Variants in GRM7 observed in about 807,000 individuals in gnomAD.
GRM7 encodes the protein glutamate metabotropic receptor 7.
Under a neutral mutation model 84.5 loss-of-function variants are expected in GRM7, and 35 were observed. The ratio of observed to expected loss-of-function variants is 0.41; its 90% confidence interval spans 0.32 to 0.55. The LOEUF is 0.55. Among genes scored for constraint, GRM7 ranks in the 20% least tolerant of loss-of-function variants. The probability of loss-of-function intolerance (pLI) is 0.19; values close to 1 mark genes in which losing one functional copy is unlikely to be tolerated. For missense variants in GRM7, 1,003 were observed against 1,194.6 expected (o/e 0.84, Z 2.36); for synonymous variants, 487 against 455.1 (o/e 1.07, Z -0.89).
At chr3:7,358,887 G>T (rs992977199) in intron 4 of GRM7, among the ~76,000 whole-genome samples, 2 of 152,078 alleles carry the variant, frequency 1.3e-5, no homozygotes, top group East Asian at 3.9e-4. Context: ...GGAAGCTGAG[G>T]CAGGCAGATG....
intron 8 of GRM7, among the ~76,000 whole-genome samples, chr3:7,588,637 A>G (rs1018746682): frequency 4.6e-5 from 7 of 152,224 alleles, no homozygotes; most frequent in African/African-American, 1.7e-4. Context: ...AGAGCAAGGT[A>G]TACTGTGGCA....
intron 4 of GRM7, among the ~76,000 whole-genome samples, chr3:7,413,980 G>T: frequency 6.6e-6 from 1 of 152,058 alleles, no homozygotes; most frequent in African/African-American, 2.4e-5. Flanking sequence ...ACCAGGGTCT[G>T]GAATTAGGCA....
intron 2 of GRM7, among the ~76,000 whole-genome samples, chr3:7,262,330 G>C (rs1282107912): frequency 6.6e-6 from 1 of 151,878 alleles, no homozygotes; most frequent in East Asian, 1.9e-4. Flanking sequence ...ATGTTTGACT[G>C]TCTTATTTCA....
chr3:7,351,362 A>AC (rs1398734585), intron 4 of GRM7, among the ~76,000 whole-genome samples: 1 of 147,528 alleles, frequency 6.8e-6, no homozygotes, highest in Non-Finnish European at 1.5e-5. Context: ...AAAAAAAAAA[A>AC]ACAACTGACT....
intron 1 of GRM7, among the ~76,000 whole-genome samples, chr3:7,085,109 A>G (rs536973220): frequency 6.6e-6 from 1 of 152,278 alleles, no homozygotes; most frequent in Admixed American, 6.5e-5. Flanking sequence ...TGGCATTTTA[A>G]TGGCAGTGGT....
chr3:7,427,727 A>G (rs73810643), intron 5 of GRM7, among the ~76,000 whole-genome samples: 5,225 of 152,226 alleles, frequency 0.034, 252 homozygotes, highest in African/African-American at 0.11. Flanking sequence ...TAAAACCCCA[A>G]TTGATCTTTT....
intron 7 of GRM7, among the ~76,000 whole-genome samples, chr3:7,480,479 C>T (rs1234301333): frequency 2.0e-5 from 3 of 152,152 alleles, no homozygotes; most frequent in Non-Finnish European, 4.4e-5. Flanking sequence ...TTGACTGAAG[C>T]ACTCTGAGAT....
chr3:7,085,563 T>C (rs1249570556), intron 1 of GRM7, among the ~76,000 whole-genome samples: 1 of 152,130 alleles, frequency 6.6e-6, no homozygotes, highest in Non-Finnish European at 1.5e-5. Context: ...AAGGAAGAGT[T>C]GGAAACTAGA....
chr3:7,095,490 A>G (rs1698824553), intron 1 of GRM7, among the ~76,000 whole-genome samples: 1 of 152,158 alleles, frequency 6.6e-6, no homozygotes, highest in Non-Finnish European at 1.5e-5. Flanking sequence ...TACAATAAAA[A>G]CCCATTGACA....
intron 8 of GRM7, among the ~76,000 whole-genome samples, chr3:7,667,751 G>T (rs1699759417): frequency 1.3e-5 from 2 of 150,802 alleles, no homozygotes; most frequent in South Asian, 4.2e-4. Context: ...AGAAGGGTAG[G>T]TTTTAAAAAT....
intron 8 of GRM7, among the ~76,000 whole-genome samples, chr3:7,633,635 G>C (rs9832222): frequency 0.45 from 68,147 of 151,934 alleles, 15,485 homozygotes; most frequent in East Asian, 0.61. Context: ...TACTCCTGCA[G>C]CTTCTAATTC....
At position 7,579,297 on chromosome 3, in the gene GRM7, A is replaced by G. The variant is rs113488179; in HGVS notation, c.2391A>G (p.Thr797=). 2 of 1,606,482 alleles carry G rather than the reference A, an allele frequency of 1.2e-6. No homozygotes were observed. The highest frequency in any genetic ancestry group is 1.3e-5 in the African/African-American group (1 of 74,708). The part of the protein sequence containing the change: ...AKPIGFTMYT[T]CIVWLAFIPI... ...CCATTGGATTCACTATGTACACGACATGTATAGTATGGCTTGCCTTCATTC... is the reference window on the plus strand; with the variant it reads ...CCATTGGATTCACTATGTACACGACGTGTATAGTATGGCTTGCCTTCATTC... The change falls in exon 8 of 10, where the codon ACA becomes ACG. Residue 797 remains threonine, a synonymous_variant. Coordinates refer to ENST00000357716, the MANE Select transcript of GRM7 (RefSeq NM_000844.4).
chr3:7,039,525 G>A (rs1030618244), intron 1 of GRM7, among the ~76,000 whole-genome samples: 2 of 152,162 alleles, frequency 1.3e-5, no homozygotes, highest in African/African-American at 4.8e-5. Context: ...TAATAAGCCT[G>A]TAGTGGCAAC....
chr3:7,420,480 A>G (rs541102754), intron 5 of GRM7, among the ~76,000 whole-genome samples: 1 of 152,188 alleles, frequency 6.6e-6, no homozygotes, highest in African/African-American at 2.4e-5. Context: ...TGTCAAATGC[A>G]TTTTTACACC....
intron 4 of GRM7, among the ~76,000 whole-genome samples, chr3:7,405,618 A>C (rs1457822001): frequency 6.6e-6 from 1 of 152,156 alleles, no homozygotes; most frequent in Non-Finnish European, 1.5e-5. Flanking sequence ...TGTGTTTAGA[A>C]ATAGGAATTA....
At chr3:7,083,330 G>C (rs1698331328) in intron 1 of GRM7, among the ~76,000 whole-genome samples, 1 of 152,084 alleles carries the variant, frequency 6.6e-6, no homozygotes, top group Non-Finnish European at 1.5e-5. Context: ...TAGCAATAAA[G>C]TATTTTTAAG....
intron 1 of GRM7, among the ~76,000 whole-genome samples, chr3:7,132,235 T>TG (rs1467926215): frequency 6.6e-6 from 1 of 152,146 alleles, no homozygotes; most frequent in Non-Finnish European, 1.5e-5. Flanking sequence ...ATACACATTC[T>TG]GGGGGGAAGG....
intron 3 of GRM7, among the ~76,000 whole-genome samples, chr3:7,299,068 TC>T (rs1297205889): frequency 6.6e-6 from 1 of 152,186 alleles, no homozygotes; most frequent in African/African-American, 2.4e-5. Flanking sequence ...AAACTCTAGA[TC>T]TTTTAAAGGT....
At chr3:7,500,157 A>G (rs1161161041) in intron 7 of GRM7, among the ~76,000 whole-genome samples, 1 of 152,160 alleles carries the variant, frequency 6.6e-6, no homozygotes, top group Non-Finnish European at 1.5e-5. Context: ...TTGACATACC[A>G]GGTTAAGGTA....
Sources: allele counts gnomAD v4.1 joint callset (sites outside exome capture counted in the v4.1 genomes callset), GRCh38; gene constraint gnomAD v4.1.1; transcripts MANE v1.5; gene names NCBI Gene and HGNC (gene_info 2026-07-23, HGNC 2026-07-21).